The following ADAMTS19 variants were observed in gnomAD, a reference collection of about 807,000 sequenced individuals.
The protein encoded by ADAMTS19 is A disintegrin and metalloproteinase with thrombospondin motifs 19.
Under a neutral mutation model 153.3 loss-of-function variants are expected in ADAMTS19, and 93 were observed. The ratio of observed to expected loss-of-function variants is 0.61; its 90% CI spans 0.51 to 0.72. ADAMTS19 has a LOEUF of 0.72. Among genes scored for constraint, ADAMTS19 ranks in the 30% least tolerant of loss-of-function variants. The pLI is 0.00. For missense variants in ADAMTS19, 1,482 were observed against 1,552.1 expected, an observed-to-expected ratio of 0.95 and a Z score of 0.76; for synonymous variants, 600 against 556.6, an observed-to-expected ratio of 1.08 and a Z score of -1.10.
At chr5:129,507,825 G>A (rs188739504) in intron 2 of ADAMTS19, among the ~76,000 whole-genome samples, 12 of 151,846 alleles carry the variant, frequency 7.9e-5, no homozygotes, top group African/African-American at 1.9e-4. Flanking sequence ...GCTTATTCTC[G>A]TTCTTGATAA....
chr5:129,574,099 A>G (rs1754010992), intron 7 of ADAMTS19, among the ~76,000 whole-genome samples: 1 of 152,076 alleles, frequency 6.6e-6, no homozygotes, highest in Admixed American at 6.6e-5. Context: ...ATTCAATGCA[A>G]TAAGAGATTA....
At chr5:129,578,087 C>CCT in intron 7 of ADAMTS19, among the ~76,000 whole-genome samples, 1 of 38,714 alleles carries the variant, frequency 2.6e-5, no homozygotes, top group Non-Finnish European at 1.2e-4. Flanking sequence ...CACATATATA[C>CCT]ATATACATAC....
chr5:129,543,492 A>G (rs1443698630), intron 6 of ADAMTS19, among the ~76,000 whole-genome samples: 1 of 152,220 alleles, frequency 6.6e-6, no homozygotes, highest in East Asian at 1.9e-4. Context: ...TAGACAGCAC[A>G]GTGTAACATT....
At chr5:129,693,937 G>A (rs1000798906) in intron 18 of ADAMTS19, among the ~76,000 whole-genome samples, 1 of 152,124 alleles carries the variant, frequency 6.6e-6, no homozygotes, top group African/African-American at 2.4e-5. Context: ...AAAGGTTTGA[G>A]TTATACTCAA....
At chr5:129,734,047 G>A (rs534236895) in intron 21 of ADAMTS19, among the ~76,000 whole-genome samples, 1 of 151,852 alleles carries the variant, frequency 6.6e-6, no homozygotes, top group Admixed American at 6.6e-5. Context: ...CATGAATGGA[G>A]CTGGAGGCCA....
chr5:129,661,544 A>C (rs1167828571), intron 15 of ADAMTS19, among the ~76,000 whole-genome samples: 1 of 152,184 alleles, frequency 6.6e-6, no homozygotes, highest in Non-Finnish European at 1.5e-5. Context: ...TGAGTAACCC[A>C]CGTGCAAACA....
At chr5:129,510,289 C>T (rs985735871) in intron 3 of ADAMTS19, among the ~76,000 whole-genome samples, 3 of 151,564 alleles carry the variant, frequency 2.0e-5, no homozygotes, top group African/African-American at 4.8e-5. Flanking sequence ...CTAGGATGTT[C>T]GGATTCAGAA....
chr5:129,468,107 A>G (rs192895798), intron 2 of ADAMTS19, among the ~76,000 whole-genome samples: 2 of 152,300 alleles, frequency 1.3e-5, no homozygotes, highest in Admixed American at 1.3e-4. Context: ...TTTTCCTATT[A>G]AGAACAAGGC....
At chr5:129,645,644 T>C (rs1037159951) in intron 11 of ADAMTS19, among the ~76,000 whole-genome samples, 3 of 152,166 alleles carry the variant, frequency 2.0e-5, no homozygotes, top group Non-Finnish European at 4.4e-5. Flanking sequence ...CAGAATATTT[T>C]AGTCTGTTAT....
intron 14 of ADAMTS19, among the ~76,000 whole-genome samples, chr5:129,657,509 C>T (rs1266763541): frequency 6.6e-6 from 1 of 152,140 alleles, no homozygotes; most frequent in Non-Finnish European, 1.5e-5. Flanking sequence ...GTATGTACAG[C>T]TTTGCCTCAT....
chr5:129,634,726 G>A (rs1310170407), intron 10 of ADAMTS19, among the ~76,000 whole-genome samples: 1 of 151,896 alleles, frequency 6.6e-6, no homozygotes, highest in Non-Finnish European at 1.5e-5. Flanking sequence ...CCCCTTTTTA[G>A]GCCGTACACA....
chr5:129,580,647 T>A (rs1222385104), intron 7 of ADAMTS19, among the ~76,000 whole-genome samples: 2 of 152,032 alleles, frequency 1.3e-5, no homozygotes, highest in Non-Finnish European at 2.9e-5. Flanking sequence ...CATGAAGGGG[T>A]GTTGAATTTT....
At chr5:129,475,105 C>CTT (rs201912606) in intron 2 of ADAMTS19, among the ~76,000 whole-genome samples, 43 of 143,344 alleles carry the variant, frequency 3.0e-4, no homozygotes, top group African/African-American at 5.3e-4. Flanking sequence ...TCTAGTTTAT[C>CTT]TTTTTTTTTT....
intron 7 of ADAMTS19, among the ~76,000 whole-genome samples, chr5:129,573,015 G>T (rs1175452172): frequency 6.6e-6 from 1 of 151,962 alleles, no homozygotes; most frequent in Non-Finnish European, 1.5e-5. Flanking sequence ...CAAAAGGTTT[G>T]TGCACGTTGT....
At chr5:129,585,568 A>G (rs764533401) in intron 7 of ADAMTS19, among the ~76,000 whole-genome samples, 5 of 152,130 alleles carry the variant, frequency 3.3e-5, no homozygotes, top group Non-Finnish European at 5.9e-5. Flanking sequence ...TTGGGGAGAT[A>G]TTAACATTAA....
At chr5:129,608,124 A>G (rs1305199542) in intron 8 of ADAMTS19, among the ~76,000 whole-genome samples, 6 of 108,814 alleles carry the variant, frequency 5.5e-5, no homozygotes, top group Admixed American at 9.1e-5. Flanking sequence ...GTGTATATAT[A>G]TATATATATA....
At chr5:129,658,320 A>G (rs1020461655) in intron 14 of ADAMTS19, among the ~76,000 whole-genome samples, 2 of 87,894 alleles carry the variant, frequency 2.3e-5, no homozygotes, top group African/African-American at 8.3e-5. Context: ...AAAGAAAGAA[A>G]GAAAGAAAGA....
At chr5:129,614,776 T>C (rs1032088343) in intron 8 of ADAMTS19, among the ~76,000 whole-genome samples, 3 of 152,058 alleles carry the variant, frequency 2.0e-5, no homozygotes, top group Non-Finnish European at 4.4e-5. Context: ...TGATTGTATA[T>C]CTAGAAAACC....
intron 6 of ADAMTS19, among the ~76,000 whole-genome samples, chr5:129,547,697 A>C (rs1752913559): frequency 1.3e-5 from 2 of 150,728 alleles, no homozygotes; most frequent in Non-Finnish European, 2.9e-5. Flanking sequence ...ATGGAACCAA[A>C]AAAGAGCCCG....
Sources: gnomAD v4.1 joint callset for allele counts (sites outside exome capture counted in the v4.1 genomes callset) on GRCh38, gnomAD v4.1.1 for gene constraint, MANE v1.5 for transcripts, NCBI Gene and HGNC (gene_info 2026-07-23, HGNC 2026-07-21) for gene names.